The following THSD7B variants were observed in gnomAD, a reference collection of about 807,000 sequenced individuals.
THSD7B encodes thrombospondin type-1 domain-containing protein 7B.
THSD7B carries 138 observed loss-of-function variants against 213.6 expected under a neutral mutation model. The ratio of observed to expected loss-of-function variants is 0.65; its 90% CI spans 0.56 to 0.74. THSD7B has a LOEUF of 0.74. Among genes scored for constraint, THSD7B ranks in the 30% least tolerant of loss-of-function variants. The pLI is 0.00. For missense variants in THSD7B, 1,931 were observed against 1,991.5 expected (o/e 0.97, Z 0.58); for synonymous variants, 742 against 687.0 (o/e 1.08, Z -1.25).
At chr2:137,113,226 C>G (rs1688383198) in intron 4 of THSD7B, among the ~76,000 whole-genome samples, 1 of 152,102 alleles carries the variant, frequency 6.6e-6, no homozygotes, top group South Asian at 2.1e-4. Flanking sequence ...AAAGATCTAT[C>G]TGTGCCCTGA....
chr2:137,647,119 G>T (rs887619680), intron 21 of THSD7B, among the ~76,000 whole-genome samples: 7 of 152,096 alleles, frequency 4.6e-5, no homozygotes, highest in African/African-American at 1.7e-4. Flanking sequence ...CATAAGCCCA[G>T]GGATCACTTG....
At chr2:137,490,505 C>G (rs1688580740) in intron 15 of THSD7B, among the ~76,000 whole-genome samples, 1 of 152,068 alleles carries the variant, frequency 6.6e-6, no homozygotes, top group Non-Finnish European at 1.5e-5. Flanking sequence ...GCAGAAGGTA[C>G]AGAGATTTCC....
chr2:136,869,607 C>G (rs2104979804), intron 1 of THSD7B, among the ~76,000 whole-genome samples: 1 of 152,268 alleles, frequency 6.6e-6, no homozygotes, highest in Non-Finnish European at 1.5e-5. Context: ...GTAAAAAAAT[C>G]ATACCTTATA....
chr2:136,957,386 G>C (rs576493967), intron 2 of THSD7B, among the ~76,000 whole-genome samples: 2 of 151,778 alleles, frequency 1.3e-5, no homozygotes, highest in African/African-American at 4.8e-5. Context: ...TATGAGCCCA[G>C]AGTCCTGCTG....
At chr2:137,307,383 G>A (rs953025172) in intron 12 of THSD7B, among the ~76,000 whole-genome samples, 28 of 151,998 alleles carry the variant, frequency 1.8e-4, no homozygotes, top group Non-Finnish European at 3.8e-4. Context: ...TGACACATGG[G>A]AAAAGAACAA....
At chr2:137,512,358 A>G (rs926381890) in intron 15 of THSD7B, 6 of 140,118 alleles carry the variant, frequency 4.3e-5, no homozygotes, top group African/African-American at 1.6e-4. Context: ...TTGTTTTTGA[A>G]TGATTATTAG....
At chr2:137,587,188 A>C (rs1407694192) in intron 17 of THSD7B, among the ~76,000 whole-genome samples, 1 of 152,190 alleles carries the variant, frequency 6.6e-6, no homozygotes, top group Non-Finnish European at 1.5e-5. Context: ...CACCTCCATC[A>C]GGTCCTTTAA....
At chr2:137,664,322 C>T (rs1683407965) in intron 26 of THSD7B, among the ~76,000 whole-genome samples, 1 of 152,158 alleles carries the variant, frequency 6.6e-6, no homozygotes, top group Non-Finnish European at 1.5e-5. Flanking sequence ...TAAAGAGTAT[C>T]AGTTTCAAAG....
chr2:137,573,565 A>G (rs1364823150), intron 17 of THSD7B, among the ~76,000 whole-genome samples: 1 of 152,134 alleles, frequency 6.6e-6, no homozygotes, highest in Non-Finnish European at 1.5e-5. Context: ...TGATAAGAAT[A>G]ACTTGTAGAA....
chr2:137,374,162 G>C (rs544372999), intron 12 of THSD7B, among the ~76,000 whole-genome samples: 25 of 150,632 alleles, frequency 1.7e-4, no homozygotes, highest in African/African-American at 5.8e-4. Flanking sequence ...GGGAGGGAGG[G>C]AGGGAGAGAG....
At chr2:137,170,693 C>T (rs1488438035) in intron 6 of THSD7B, 48 bp from the exon 7 acceptor site, 1 of 1,573,502 alleles carries the variant, frequency 6.4e-7, no homozygotes, top group Non-Finnish European at 8.6e-7. Flanking sequence ...TTTTCCTTTC[C>T]TGGAAAAGAG....
intron 1 of THSD7B, among the ~76,000 whole-genome samples, chr2:136,853,557 G>C (rs72617044): frequency 0.17 from 26,208 of 151,986 alleles, 2,696 homozygotes; most frequent in East Asian, 0.39. Context: ...TTGATAACCT[G>C]GTCAAGATGG....
intron 17 of THSD7B, among the ~76,000 whole-genome samples, chr2:137,577,560 A>T (rs1681489330): frequency 6.6e-6 from 1 of 152,060 alleles, no homozygotes; most frequent in Admixed American, 6.6e-5. Flanking sequence ...TCAGTTATAA[A>T]AAACATTATG....
chr2:137,388,087 T>A (rs1685936326), intron 12 of THSD7B, among the ~76,000 whole-genome samples: 1 of 152,192 alleles, frequency 6.6e-6, no homozygotes, highest in African/African-American at 2.4e-5. Flanking sequence ...GAGGCTTTGG[T>A]GGAATTTGGA....
At position 136,938,645 on chromosome 2, in the gene THSD7B, A is replaced by G. The variant is rs569820291; in HGVS notation, c.139+56328A>G. Among the ~76,000 whole-genome samples the G allele has an allele frequency of 2.0e-5, 3 of 152,272 alleles. No individual in the cohort carries two copies. In the South Asian group the frequency reaches 6.2e-4, roughly 32 times the overall value. The stretch of plus-strand genomic sequence containing the variant: ...ATGTAATGTTCTCTGCTTTTGTTGC[A>G]GCACAGATTAGACTTTGTATTGAGG... On this transcript the variant is annotated intron_variant, in intron 2 of 27. Coordinates refer to ENST00000409968, the MANE Select transcript of THSD7B (RefSeq NM_001316349.2).
At chr2:137,062,148 C>T (rs1294648470) in intron 3 of THSD7B, among the ~76,000 whole-genome samples, 1 of 151,570 alleles carries the variant, frequency 6.6e-6, no homozygotes, top group African/African-American at 2.4e-5. Flanking sequence ...TCATAATATC[C>T]CTTTTTCCTT....
intron 15 of THSD7B, among the ~76,000 whole-genome samples, chr2:137,476,964 G>A (rs997474061): frequency 1.3e-5 from 2 of 152,202 alleles, no homozygotes; most frequent in Non-Finnish European, 2.9e-5. Flanking sequence ...CATTCCATGT[G>A]CTGATGAGAA....
At position 137,058,107 on chromosome 2, in the gene THSD7B, A is replaced by G. The variant is rs181363114; in HGVS notation, c.950+877A>G. On this transcript the variant is annotated intron_variant, in intron 3 of 27. Coordinates refer to ENST00000409968, the MANE Select transcript of THSD7B (RefSeq NM_001316349.2). ...CAGTTGCTGCCTTCTTGGGATCCAC[A>G]GCTGACCAGGAGATGCCCAGAAGAC... Among the ~76,000 whole-genome samples, 264 of 152,338 alleles carry G rather than the reference A, an allele frequency of 1.7e-3. 1 individual carries two copies. The highest frequency in any genetic ancestry group is 6.2e-3 in the African/African-American group (257 of 41,572).
chr2:137,235,919 C>T (rs1240641452), intron 9 of THSD7B, among the ~76,000 whole-genome samples: 1 of 152,090 alleles, frequency 6.6e-6, no homozygotes, highest in Admixed American at 6.5e-5. Flanking sequence ...GACTGTATGT[C>T]TCCAAATAAT....
Sources: gnomAD v4.1 joint callset for allele counts (sites outside exome capture counted in the v4.1 genomes callset) on GRCh38, gnomAD v4.1.1 for gene constraint, MANE v1.5 for transcripts, NCBI Gene and HGNC (gene_info 2026-07-23, HGNC 2026-07-21) for gene names.